PGBD2: variants seen among roughly 807,000 people sequenced by gnomAD.
PGBD2 encodes piggyBac transposable element derived 2, also known as piggyBac transposable element-derived protein 2.
Under a neutral mutation model 8.1 loss-of-function variants are expected in PGBD2, and 6 were observed. The observed-to-expected ratio is 0.74, with a 90% CI of 0.40 to 1.46. The LOEUF (loss-of-function observed/expected upper bound fraction) is 1.46. PGBD2 is among the 40% of genes most tolerant of loss of function. PGBD2 has a pLI of 0.02. For synonymous variants in PGBD2, 318 were observed against 272.2 expected (o/e 1.17, Z -1.66); for missense variants, 802 against 739.0 (o/e 1.09, Z -0.99).
chr1:248,872,934 G>A, the PGBD2 span, among the ~76,000 whole-genome samples: 1 of 152,216 alleles, frequency 6.6e-6, no homozygotes. Flanking sequence ...AGTCACTTTA[G>A]TGAGGCCTTA....
the PGBD2 span, among the ~76,000 whole-genome samples, chr1:248,873,225 C>T: frequency 1.3e-5 from 2 of 152,192 alleles, no homozygotes; most frequent in East Asian, 3.9e-4. Flanking sequence ...CCCGGGCCTT[C>T]CCATTGGACG....
downstream of PGBD2, among the ~76,000 whole-genome samples, chr1:248,923,151 T>C (rs1163287473): frequency 6.6e-6 from 1 of 152,236 alleles, no homozygotes; most frequent in Non-Finnish European, 1.5e-5. Context: ...TATTGGTTTA[T>C]TCAGGGATTC....
chr1:248,874,309 C>CG, the PGBD2 span, among the ~76,000 whole-genome samples: 2 of 152,158 alleles, frequency 1.3e-5, no homozygotes, highest in African/African-American at 4.8e-5. Context: ...GTTCGATTCC[C>CG]GGTCAGGAAA....
chr1:248,873,139 C>T, the PGBD2 span, among the ~76,000 whole-genome samples: 62 of 151,800 alleles, frequency 4.1e-4, no homozygotes, highest in African/African-American at 1.4e-3. Flanking sequence ...AATGCCTGGA[C>T]GAGTGGTATC....
chr1:248,907,867 A>G (rs963036876), intron 1 of PGBD2, among the ~76,000 whole-genome samples: 10 of 152,206 alleles, frequency 6.6e-5, no homozygotes, highest in African/African-American at 1.9e-4. Context: ...CCCTTTCTAC[A>G]TAGACACAGT....
chr1:248,881,198 T>C, the PGBD2 span, among the ~76,000 whole-genome samples: 1 of 152,112 alleles, frequency 6.6e-6, no homozygotes, highest in Admixed American at 6.6e-5. Context: ...AGTTTAGAAA[T>C]GAGAGGTGGT....
chr1:248,915,273 C>G (rs1662052770), intron 2 of PGBD2, among the ~76,000 whole-genome samples: 1 of 152,216 alleles, frequency 6.6e-6, no homozygotes, highest in Admixed American at 6.5e-5. Context: ...TGCTCAAATG[C>G]AAGTACAGAG....
chr1:248,901,504 T>G (rs1487515270), upstream of PGBD2, among the ~76,000 whole-genome samples: 2 of 152,194 alleles, frequency 1.3e-5, no homozygotes, highest in Non-Finnish European at 2.9e-5. Flanking sequence ...AATTCTCTAT[T>G]TAACAAATGG....
At chr1:248,922,733 G>T (rs768042718), downstream of PGBD2, among the ~76,000 whole-genome samples, 1 of 152,120 alleles carries the variant, frequency 6.6e-6, no homozygotes, top group Non-Finnish European at 1.5e-5. Flanking sequence ...TTTTGTCTTT[G>T]GTTCTGTTTA....
At chr1:248,913,344 C>T (rs1661977865) in intron 1 of PGBD2, among the ~76,000 whole-genome samples, 1 of 152,208 alleles carries the variant, frequency 6.6e-6, no homozygotes, top group Non-Finnish European at 1.5e-5. Context: ...TGGTGTTCTG[C>T]ACTTTCTCTC....
At chr1:248,902,545 G>A (rs1661552693), upstream of PGBD2, among the ~76,000 whole-genome samples, 1 of 152,186 alleles carries the variant, frequency 6.6e-6, no homozygotes, top group Admixed American at 6.5e-5. Flanking sequence ...TACCATGCAT[G>A]CATATGTTCA....
intron 1 of PGBD2, 133 bp downstream of exon 1, chr1:248,906,475 GC>G (rs1661642070): frequency 6.6e-6 from 1 of 151,930 alleles, no homozygotes; most frequent in Non-Finnish European, 1.5e-5. Context: ...CGGTGGGCTG[GC>G]GGGACCAGGA....
the PGBD2 span, among the ~76,000 whole-genome samples, chr1:248,877,998 C>T: frequency 6.6e-6 from 1 of 152,096 alleles, no homozygotes; most frequent in African/African-American, 2.4e-5. Context: ...GGTAACAAAC[C>T]TAGGTCTAGT....
chr1:248,896,423 C>T, the PGBD2 span, among the ~76,000 whole-genome samples: 1 of 152,090 alleles, frequency 6.6e-6, no homozygotes, highest in Admixed American at 6.5e-5. Flanking sequence ...CACAATCATG[C>T]ATACGTTTAT....
At chr1:248,927,718 C>T in the PGBD2 span, among the ~76,000 whole-genome samples, 1 of 152,114 alleles carries the variant, frequency 6.6e-6, no homozygotes, top group African/African-American at 2.4e-5. Context: ...TTAGAGAATG[C>T]CTACAAGAGC....
At chr1:248,890,868 G>A in the PGBD2 span, among the ~76,000 whole-genome samples, 2 of 140,550 alleles carry the variant, frequency 1.4e-5, no homozygotes. Flanking sequence ...CACATCCACA[G>A]CCCCCCATCA....
At chr1:248,909,797 C>G (rs1661801748) in intron 1 of PGBD2, among the ~76,000 whole-genome samples, 1 of 152,150 alleles carries the variant, frequency 6.6e-6, no homozygotes, top group Non-Finnish European at 1.5e-5. Flanking sequence ...GCAGTCAGGC[C>G]AGAGTAGGGA....
the PGBD2 span, among the ~76,000 whole-genome samples, chr1:248,900,674 A>T: frequency 6.6e-6 from 1 of 152,214 alleles, no homozygotes; most frequent in East Asian, 1.9e-4. Flanking sequence ...CTTTTTAAAA[A>T]CTGGCACAAG....
rs775391981 is a variant in PGBD2 at position 248,919,006 on chromosome 1, GAT to G, written c.*645_*646del. 2.4e-5 allele frequency: 4 copies of G among 167,004 alleles called. No homozygotes were observed. The highest frequency in any genetic ancestry group is 5.9e-5 in the Non-Finnish European group (4 of 68,100). 10.3% of individuals were successfully genotyped at this position (167,004 alleles called of 1,614,324 possible). On this transcript the variant is annotated 3_prime_UTR_variant, in exon 3 of 3. Coordinates refer to ENST00000329291, the MANE Select transcript of PGBD2 (RefSeq NM_170725.3). ...TTTTATGGGTTACATGAGATATTCTGATACAAACATGCAATGTATAAAAATCA... is the reference window on the plus strand; with the variant it reads ...TTTTATGGGTTACATGAGATATTCTGACAAACATGCAATGTATAAAAATCA...
Sources: gnomAD v4.1 joint callset for allele counts (sites outside exome capture counted in the v4.1 genomes callset) on GRCh38, gnomAD v4.1.1 for gene constraint, MANE v1.5 for transcripts, NCBI Gene and HGNC (gene_info 2026-07-23, HGNC 2026-07-21) for gene names.